The following FARS2 variants were observed in gnomAD, a reference collection of about 807,000 sequenced individuals.
FARS2 encodes phenylalanine--tRNA ligase, mitochondrial.
A neutral mutation model predicts 46.4 loss-of-function variants in FARS2; 40 were observed. The observed-to-expected ratio is 0.86, with a 90% CI of 0.67 to 1.12. FARS2 has a LOEUF of 1.12. Among genes scored for constraint, FARS2 ranks in the 50% most tolerant of loss-of-function variants. The pLI, the probability that FARS2 is intolerant of heterozygous loss-of-function variation, is 0.00. For missense variants in FARS2, 513 were observed against 567.9 expected, an observed-to-expected ratio of 0.90 and a Z score of 0.98; for synonymous variants, 234 against 214.9, an observed-to-expected ratio of 1.09 and a Z score of -0.78.
chr6:5,693,078 A>G (rs1303108010), intron 6 of FARS2, among the ~76,000 whole-genome samples: 2 of 152,206 alleles, frequency 1.3e-5, no homozygotes, highest in African/African-American at 4.8e-5. Context: ...AAATATTAAC[A>G]ATAAGTTATT....
At chr6:5,641,563 C>T (rs570872272) in intron 6 of FARS2, among the ~76,000 whole-genome samples, 2 of 152,310 alleles carry the variant, frequency 1.3e-5, no homozygotes, top group South Asian at 4.2e-4. Context: ...TCACAAAGTG[C>T]TAGGATTACA....
intron 4 of FARS2, among the ~76,000 whole-genome samples, chr6:5,477,440 A>G (rs116284422): frequency 0.016 from 2,365 of 152,272 alleles, 63 homozygotes; most frequent in African/African-American, 0.053. Context: ...ATTAATGCCA[A>G]TTGTGACTAT....
At chr6:5,769,727 C>T (rs374550991) in intron 6 of FARS2, among the ~76,000 whole-genome samples, 1 of 152,156 alleles carries the variant, frequency 6.6e-6, no homozygotes, top group Non-Finnish European at 1.5e-5. Flanking sequence ...TCGGGAATCC[C>T]CAGGAGGTCC....
chr6:5,672,154 G>C (rs1778502218), intron 6 of FARS2, among the ~76,000 whole-genome samples: 1 of 152,220 alleles, frequency 6.6e-6, no homozygotes, highest in Non-Finnish European at 1.5e-5. Context: ...AGAGTAAAGA[G>C]AAGACAGCAC....
intron 3 of FARS2, among the ~76,000 whole-genome samples, chr6:5,420,296 A>C (rs1762472864): frequency 6.6e-6 from 1 of 152,140 alleles, no homozygotes; most frequent in Admixed American, 6.5e-5. Flanking sequence ...GGCCCCTCCC[A>C]AATCTCATGT....
intron 4 of FARS2, among the ~76,000 whole-genome samples, chr6:5,444,492 AAGAGAGAGAGAGAGAGAGAGAGG>A (rs1764054907): frequency 5.6e-5 from 2 of 35,582 alleles, no homozygotes; most frequent in African/African-American, 2.2e-4. Flanking sequence ...AAAAAAAAAA[AAGAGAGAGAGAGAGAGAGAGAGG>A]AAAAAATCTT....
intron 5 of FARS2, chr6:5,610,050 T>C: frequency 1.1e-6 from 1 of 923,510 alleles, no homozygotes; most frequent in South Asian, 1.3e-5. Flanking sequence ...GCAATTGGTG[T>C]TTGGGTCTCT....
intron 2 of FARS2, chr6:5,371,337 A>C (rs1759051107): frequency 5.6e-6 from 1 of 180,090 alleles, no homozygotes; most frequent in East Asian, 1.9e-4. Flanking sequence ...ATAATGTTAC[A>C]GAGACAATTT....
At chr6:5,656,259 G>T (rs545273417) in intron 6 of FARS2, among the ~76,000 whole-genome samples, 1 of 152,268 alleles carries the variant, frequency 6.6e-6, no homozygotes, top group African/African-American at 2.4e-5. Flanking sequence ...CACTGGCTTT[G>T]CTGTGGAAGC....
chr6:5,506,918 A>G (rs756842459), intron 4 of FARS2, among the ~76,000 whole-genome samples: 6 of 152,234 alleles, frequency 3.9e-5, no homozygotes, highest in Non-Finnish European at 8.8e-5. Flanking sequence ...GGCTAACCAT[A>G]TATTTAAAGA....
At chr6:5,655,035 A>G (rs1272686914) in intron 6 of FARS2, among the ~76,000 whole-genome samples, 1 of 152,180 alleles carries the variant, frequency 6.6e-6, no homozygotes, top group Non-Finnish European at 1.5e-5. Context: ...TGTGTTAACC[A>G]TTTGTGCTGT....
Position 5,520,685 on chromosome 6 carries a change from T to G in FARS2, c.905-24495T>G, listed in dbSNP as rs1360616388. On this transcript the variant is annotated intron_variant, in intron 4 of 6. Coordinates refer to ENST00000274680, the MANE Select transcript of FARS2 (RefSeq NM_006567.5). ...TGTCAAACTGACACATTTGCCAATC[T>G]GATGAGTGAAAAATGATGAAGCCAT... Among the ~76,000 whole-genome samples, 6 of 152,332 alleles carry G rather than the reference T, an allele frequency of 3.9e-5. No individual in the cohort carries two copies. The East Asian group carries it at 1.2e-3, about 29-fold the overall frequency.
At chr6:5,325,465 G>A (rs1770305474) in intron 1 of FARS2, among the ~76,000 whole-genome samples, 1 of 152,206 alleles carries the variant, frequency 6.6e-6, no homozygotes, top group South Asian at 2.1e-4. Context: ...TCTGTGCAGG[G>A]GCTGGTTTCA....
chr6:5,731,601 C>G (rs1332531974), intron 6 of FARS2, among the ~76,000 whole-genome samples: 2 of 152,202 alleles, frequency 1.3e-5, no homozygotes, highest in Non-Finnish European at 2.9e-5. Context: ...CCTGTGTACT[C>G]CTCTATGAGT....
upstream of FARS2, among the ~76,000 whole-genome samples, chr6:5,256,326 C>G (rs560469031): frequency 6.6e-6 from 1 of 151,436 alleles, no homozygotes; most frequent in Non-Finnish European, 1.5e-5. Context: ...CCCGCCTCTA[C>G]TAAAAATACA....
At chr6:5,420,374 A>T (rs1235513418) in intron 3 of FARS2, among the ~76,000 whole-genome samples, 3 of 152,142 alleles carry the variant, frequency 2.0e-5, no homozygotes, top group African/African-American at 7.2e-5. Flanking sequence ...TTCAGTGTTA[A>T]CTCAAAAGTT....
rs551767870 is a variant in FARS2 at position 5,450,658 on chromosome 6, G to T, written c.904+19486G>T. Among the ~76,000 whole-genome samples, 10 of 152,272 alleles carry T rather than the reference G, an allele frequency of 6.6e-5. 1 individual carries two copies. The South Asian group carries it at 1.7e-3, about 25-fold the overall frequency. On this transcript the variant is annotated intron_variant, in intron 4 of 6. Transcript: ENST00000274680. ...TAGCTTGTAGGCCTTACAAAAACCAGAGGGTTAGGGATCCAGACTTGGCGT... is the reference window on the plus strand; with the variant it reads ...TAGCTTGTAGGCCTTACAAAAACCATAGGGTTAGGGATCCAGACTTGGCGT...
At chr6:5,633,966 T>C (rs902564100) in intron 6 of FARS2, among the ~76,000 whole-genome samples, 1 of 152,212 alleles carries the variant, frequency 6.6e-6, no homozygotes, top group African/African-American at 2.4e-5. Flanking sequence ...TTTATTATCC[T>C]TCATCATATG....
intron 4 of FARS2, among the ~76,000 whole-genome samples, chr6:5,529,837 C>T (rs1405758301): frequency 6.6e-6 from 1 of 152,140 alleles, no homozygotes; most frequent in African/African-American, 2.4e-5. Context: ...CACCCTGGGG[C>T]TTGCTCTCTT....
Sources: allele counts gnomAD v4.1 joint callset (sites outside exome capture counted in the v4.1 genomes callset), GRCh38; gene constraint gnomAD v4.1.1; transcripts MANE v1.5; gene names NCBI Gene and HGNC (gene_info 2026-07-23, HGNC 2026-07-21).